Variants in UBA7 observed in about 807,000 individuals in gnomAD.
The protein encoded by UBA7 is ubiquitin like modifier activating enzyme 7, also known as ubiquitin-like modifier-activating enzyme 7.
UBA7 carries 88 observed loss-of-function variants against 113.0 expected under a neutral mutation model. That is an observed-to-expected ratio of 0.78 (90% confidence interval 0.66 to 0.93). The LOEUF (loss-of-function observed/expected upper bound fraction) is 0.93. UBA7 is among the 40% of genes least tolerant of loss of function. The pLI is 0.00. For synonymous variants in UBA7, 459 were observed against 513.0 expected (o/e 0.89, Z 1.42); for missense variants, 1,092 against 1,266.4 (o/e 0.86, Z 2.09).
Position 49,809,660 on chromosome 3 carries a change from C to G in UBA7, c.1970G>C (p.Gly657Ala). The G allele has an allele frequency of 6.2e-7, 1 of 1,614,130 alleles. No homozygotes were observed. The highest frequency in any genetic ancestry group is 8.5e-7 in the Non-Finnish European group (1 of 1,180,036). Reference protein sequence around the residue: ...QTLTLLKPVLGVLRVRPQNWQ... With the variant: ...QTLTLLKPVLAVLRVRPQNWQ... ...GTTCTGTGGACGCACTCTCAGGACC[C>G]CAAGCACTGGCTTCAGTAAGGTGAG... Residue 657 changes from glycine to alanine, a missense_variant, in exon 16 of 24, where the codon GGG becomes GCG. Around this residue, in one of 3 missense-constraint regions of UBA7, gnomAD observed 500 missense variants for 529.3 expected, o/e 0.94. Transcript: ENST00000333486.
At chr3:49,806,370 G>A in intron 21 of UBA7, 1 of 600,642 alleles carries the variant, frequency 1.7e-6, no homozygotes, top group Admixed American at 3.0e-5. Context: ...ATGGGGCTAT[G>A]GGGCCCGCAC....
At position 49,812,466 on chromosome 3, in the gene UBA7, C is replaced by A. The variant is rs779909540; in HGVS notation, c.636G>T (p.Ser212=). The A allele has an allele frequency of 1.2e-6, 2 of 1,614,238 alleles. No homozygotes were observed. The highest frequency in any genetic ancestry group is 1.7e-6 in the Non-Finnish European group (2 of 1,180,052). The part of the protein sequence containing the change: ...YFRDGDLVTF[S]GIEGMVELND... ...TGAGCTCAACCATTCCCTCAATTCC[C>A]GAGAAAGTCACCAAGTCTCCATCAC... is the stretch of plus-strand genomic sequence containing the variant. The change falls in exon 6 of 24, where the codon TCG becomes TCT. Residue 212 remains serine (S), a synonymous_variant. Coordinates refer to ENST00000333486, the MANE Select transcript of UBA7 (RefSeq NM_003335.3).
At position 49,808,416 on chromosome 3, in the gene UBA7, G is replaced by C. The variant is rs2081490219; in HGVS notation, c.2400C>G (p.Gly800=). The change falls in exon 19 of 24, where the codon GGC becomes GGG. Residue 800 remains glycine (G), a synonymous_variant. Transcript: ENST00000333486. ...CAAACATCAGAGGCTTCAGGGGAGG[G>C]CCCACACTCCAGACTTCCAGGGCTT... ...LNKALEVWSV[G]PPLKPLMFEK... 6 of 1,614,054 alleles carry C rather than the reference G, an allele frequency of 3.7e-6. No individual in the cohort carries two copies. The highest frequency in any genetic ancestry group is 4.5e-5 in the East Asian group (2 of 44,898).
rs562994639 is a variant in UBA7 at position 49,807,542 on chromosome 3, T to C, written c.2715+194A>G. 6.6e-6 allele frequency among the ~76,000 whole-genome samples: 1 copy of C among 152,138 alleles called. No homozygotes were observed. The highest frequency in any genetic ancestry group is 2.1e-4 in the South Asian group (1 of 4,834). On this transcript the variant is annotated intron_variant, in intron 21 of 23. Transcript: ENST00000333486. The surrounding 1 kb of genome is among the most constrained non-coding windows in gnomAD (Gnocchi z 4.0). ...GGCTTTGGAGGATTGGGGGTGGGGATGGCTGACGGCTGCTTCCTGTGTCTG... is the reference window on the plus strand; with the variant it reads ...GGCTTTGGAGGATTGGGGGTGGGGACGGCTGACGGCTGCTTCCTGTGTCTG...
chr3:49,812,888 C>A, intron 4 of UBA7, 150 bp from the exon 5 acceptor site: 1 of 1,184,942 alleles, frequency 8.4e-7, no homozygotes, highest in South Asian at 1.4e-5. Context: ...TGGAGCAGGT[C>A]TGGAGGCTAG....
chr3:49,808,487 T>C lies in UBA7; in HGVS notation c.2348-19A>G, dbSNP rs369476968. 1.2e-6 allele frequency: 2 copies of C among 1,613,450 alleles called. No homozygotes were observed. Among genetic ancestry groups the C allele is most frequent in the South Asian group, 1.1e-5 (1 of 91,052 alleles). ...TCAGGGCCTGTCAGGGGAGGGGATG[T>C]TGAGGCAGTCCTTAGCCCCTGTCTC... is the stretch of plus-strand genomic sequence containing the variant. On this transcript the variant is annotated intron_variant, in intron 18 of 23. Coordinates refer to ENST00000333486, the MANE Select transcript of UBA7 (RefSeq NM_003335.3).
intron 21 of UBA7, 124 bp from the exon 22 acceptor site, chr3:49,806,289 GT>G: frequency 5.9e-5 from 49 of 824,674 alleles, no homozygotes; most frequent in Admixed American, 7.5e-5. Flanking sequence ...GGGGTGGGGG[GT>G]GGGGGGGAGG....
At chr3:49,809,954 G>A in intron 14 of UBA7, 24 bp downstream of exon 14, 1 of 1,614,060 alleles carries the variant, frequency 6.2e-7, no homozygotes, top group Non-Finnish European at 8.5e-7. Flanking sequence ...TGGGTGGGGT[G>A]GGAGTCTCCA....
At position 49,805,983 on chromosome 3, in the gene UBA7, C is replaced by A. The variant is rs865842611; in HGVS notation, c.2823G>T (p.Leu941Phe). ...LLAHLQEQHGLRVRILLHGSA... is the reference protein window; with the variant it reads ...LLAHLQEQHGFRVRILLHGSA... ...AGCCGTGCAGCAGGATCCTCACCCT[C>A]AACCCGTGCTGCTCCTAGAGGAGAA... The change falls in exon 23 of 24, where the codon TTG becomes TTT. Residue 941 changes from leucine to phenylalanine, a missense_variant. Physicochemically the swap from Leu to Phe is conservative, Grantham distance 22. Around this residue, in one of 3 missense-constraint regions of UBA7, gnomAD observed 500 missense variants for 529.3 expected, o/e 0.94. Coordinates refer to ENST00000333486, the MANE Select transcript of UBA7 (RefSeq NM_003335.3). 6.4e-7 allele frequency: 1 copy of A among 1,566,888 alleles called. No homozygotes were observed. The highest frequency in any genetic ancestry group is 2.4e-5 in the East Asian group (1 of 42,116).
rs751643988 is a variant in UBA7 at position 49,812,708 on chromosome 3, G to A, written c.498C>T (p.Phe166=). 1.9e-6 allele frequency: 3 copies of A among 1,614,240 alleles called. No homozygotes were observed. The highest frequency in any genetic ancestry group is 2.5e-6 in the Non-Finnish European group (3 of 1,180,046). Residue 166 remains phenylalanine (F), a synonymous_variant, in exon 5 of 24, where the codon TTC becomes TTT. Coordinates refer to ENST00000333486, the MANE Select transcript of UBA7 (RefSeq NM_003335.3). The part of the protein sequence containing the change: ...GQLFCDFGED[F]TVQDPTEAEP... ...CTGCCTCTGTGGGGTCCTGCACAGT[G>A]AAGTCCTCACCAAAGTCACAGAACA...
rs1429212588 is a variant in UBA7 at position 49,809,544 on chromosome 3, T to C, written c.2086A>G (p.Lys696Glu). The C allele has an allele frequency of 1.9e-6, 3 of 1,613,946 alleles. No individual in the cohort carries two copies. The highest frequency in any genetic ancestry group is 1.3e-5 in the African/African-American group (1 of 74,892). ...KQLLRHFPPNKVLEDGTPFWS... is the reference protein window; with the variant it reads ...KQLLRHFPPNEVLEDGTPFWS... ...CGTCCCAACCCCTAGCCACACACTTTATTAGGTGGGAAGTGCCTCAGCAGC... is the reference window on the plus strand; with the variant it reads ...CGTCCCAACCCCTAGCCACACACTTCATTAGGTGGGAAGTGCCTCAGCAGC... The change falls in exon 16 of 24, where the codon AAA (lysine) becomes GAA (glutamate). Residue 696 changes from lysine to glutamate, a missense_variant and splice_region_variant. Transcript: ENST00000333486.
rs2081489454 is a variant in UBA7 at position 49,808,386 on chromosome 3, C to T, written c.2430G>A (p.Lys810=). Residue 810 remains lysine, a splice_region_variant and synonymous_variant, in exon 19 of 24, where the codon AAG becomes AAA. Coordinates refer to ENST00000333486, the MANE Select transcript of UBA7 (RefSeq NM_003335.3). ...GPPLKPLMFE[K]DDDSNFHVDF... is the part of the protein sequence containing the mutation. ...TCCTCACTGCCACTTGGGCACCCAC[C>T]TTCTCAAACATCAGAGGCTTCAGGG... 1 of 1,614,098 alleles carries T rather than the reference C, an allele frequency of 6.2e-7. No homozygotes were observed. Among genetic ancestry groups the T allele is most frequent in the African/African-American group, 1.3e-5 (1 of 74,942 alleles).
chr3:49,805,239 C>T lies in UBA7; in HGVS notation c.*69G>A. On this transcript the variant is annotated 3_prime_UTR_variant, in exon 24 of 24. Transcript: ENST00000333486. ...TTAACAAGCATTTATTGAGTGCCTA[C>T]TGTGGGCTTACAATGCAGGGCTTGG... 6.7e-7 allele frequency: 1 copy of T among 1,490,278 alleles called. No homozygotes were observed. Among genetic ancestry groups the T allele is most frequent in the Non-Finnish European group, 9.3e-7 (1 of 1,077,536 alleles). The allele number at this position is 1,490,278 out of a possible 1,614,324, so 92.3% of individuals were successfully genotyped here. A position where few individuals can be genotyped will look rare whatever the true frequency, so the allele number is the denominator to read the frequency against.
In UBA7 at chr3:49,811,717, G is replaced by A. The variant is rs187811811; in HGVS notation, c.939+153C>T. 3.0e-5 allele frequency: 40 copies of A among 1,349,590 alleles called. No homozygotes were observed. The East Asian group carries it at 8.5e-4, about 29-fold the overall frequency. The allele number at this position is 1,349,590 out of a possible 1,614,324, so 83.6% of individuals were successfully genotyped here. ...GGGGTGTAGCAGGAGTCCCCAGGAT[G>A]TGTGCCTGGCACTTCCATGGAACCA... On this transcript the variant is annotated intron_variant, in intron 8 of 23. Transcript: ENST00000333486.
chr3:49,812,628 G>T lies in UBA7; in HGVS notation c.558+20C>A. The stretch of plus-strand genomic sequence containing the variant: ...GCCTCTCCTTGGTCAGCAGGTGAAT[G>T]CCTACAGCTCAGCACCCACCTGGGA... On this transcript the variant is annotated intron_variant, in intron 5 of 23. Coordinates refer to ENST00000333486, the MANE Select transcript of UBA7 (RefSeq NM_003335.3). The T allele has an allele frequency of 6.2e-7, 1 of 1,614,204 alleles. No homozygotes were observed.
In UBA7 at chr3:49,810,026, A is replaced by G; in HGVS notation, c.1791T>C (p.Pro597=). 6.2e-7 allele frequency: 1 copy of G among 1,613,798 alleles called. No homozygotes were observed. The highest frequency in any genetic ancestry group is 8.5e-7 in the Non-Finnish European group (1 of 1,179,950). Residue 597 remains proline (P), a synonymous_variant, in exon 14 of 24, where the codon CCT becomes CCC. Coordinates refer to ENST00000333486, the MANE Select transcript of UBA7 (RefSeq NM_003335.3). The surrounding 1 kb of genome is among the most constrained non-coding windows in gnomAD (Gnocchi z 5.6). ...TAGGGAAGTACCGCACGGTACAGAC[A>G]GGGTAGGGGGCATCCTCAGAAGCTG... ...SAAASEDAPY[P]VCTVRYFPST... is the part of the protein sequence containing the mutation.
At position 49,805,373 on chromosome 3, in the gene UBA7, G is replaced by A; in HGVS notation, c.2974C>T (p.Leu992=). Reference sequence around the variant, plus strand: ...TCGTCACCCTCACAGCTCAGCTCTAGCACCAACACCCGCTGCCCAGGAGCA... The same window carrying A: ...TCGTCACCCTCACAGCTCAGCTCTAACACCAACACCCGCTGCCCAGGAGCA... ...APAPGQRVLV[L]ELSCEGDDED... The change falls in exon 24 of 24, where the codon CTA becomes TTA. Residue 992 remains leucine (L), a synonymous_variant. Transcript: ENST00000333486. 1.9e-6 allele frequency: 3 copies of A among 1,613,944 alleles called. No individual in the cohort carries two copies. The highest frequency in any genetic ancestry group is 2.5e-6 in the Non-Finnish European group (3 of 1,179,982).
Position 49,811,744 on chromosome 3 carries a change from TCTCTA to T in UBA7, c.939+121_939+125del, listed in dbSNP as rs563376491. ...GTGCCTGGCACTTCCATGGAACCAG[TCTCTA>T]CTCTAAAGGCTGCAGTGTTGGGAGA... is the stretch of plus-strand genomic sequence containing the variant. On this transcript the variant is annotated intron_variant, in intron 8 of 23. Transcript: ENST00000333486. The T allele has an allele frequency of 3.4e-6, 5 of 1,486,990 alleles. No homozygotes were observed. In the South Asian group the frequency reaches 5.1e-5, roughly 15 times the overall value. 92.1% of individuals were successfully genotyped at this position (1,486,990 alleles called of 1,614,324 possible). A position where few individuals can be genotyped will look rare whatever the true frequency, so the allele number is the denominator to read the frequency against.
In UBA7 at chr3:49,808,967, G is replaced by C; in HGVS notation, c.2347+9C>G. On this transcript the variant is annotated intron_variant, in intron 18 of 23. Transcript: ENST00000333486. ...AGACAGCATGAGGGGCCAGGGCCAG[G>C]AGCCTCACCAAACTCAGCAGAAGCC... 1 of 1,612,332 alleles carries C rather than the reference G, an allele frequency of 6.2e-7. No individual in the cohort carries two copies. Among genetic ancestry groups the C allele is most frequent in the Non-Finnish European group, 8.5e-7 (1 of 1,179,468 alleles).
Sources: gnomAD v4.1 joint callset for allele counts (sites outside exome capture counted in the v4.1 genomes callset) on GRCh38, gnomAD v4.1.1 for gene constraint, gnomAD v4.1.1 regional missense constraint, Gnocchi (gnomAD v3.1) non-coding constraint, MANE v1.5 for transcripts, NCBI Gene and HGNC (gene_info 2026-07-23, HGNC 2026-07-21) for gene names.